The following NALF1 variants were observed in gnomAD, a reference collection of about 807,000 sequenced individuals.
NALF1 encodes NALCN channel auxiliary factor 1, also known as family with sequence similarity 155 member A.
In NALF1, 3 loss-of-function variants were observed where a neutral mutation model predicts 48.4. The ratio of observed to expected loss-of-function variants is 0.06; its 90% confidence interval spans 0.03 to 0.16. The LOEUF (loss-of-function observed/expected upper bound fraction) is 0.16, where lower values mean the gene tolerates loss of function less well. Among genes scored for constraint, NALF1 ranks in the 10% least tolerant of loss-of-function variants. The probability of loss-of-function intolerance (pLI) is 1.00; values close to 1 mark genes in which losing one functional copy is unlikely to be tolerated. For missense variants in NALF1, 526 were observed against 571.5 expected (o/e 0.92, Z 0.81); for synonymous variants, 262 against 245.7 (o/e 1.07, Z -0.62).
intron 1 of NALF1, among the ~76,000 whole-genome samples, chr13:107,726,723 C>T (rs532790537): frequency 7.9e-5 from 12 of 151,842 alleles, no homozygotes; most frequent in Non-Finnish European, 1.5e-4. Flanking sequence ...GATTCTCCTA[C>T]CTCAGCCCAT....
chr13:107,672,078 G>A (rs150935717), intron 1 of NALF1, among the ~76,000 whole-genome samples: 461 of 152,220 alleles, frequency 3.0e-3, no homozygotes, highest in Middle Eastern at 0.01. Flanking sequence ...TTCGGAGAAC[G>A]TGAGCTCTCT....
At position 107,204,032 on chromosome 13, in the gene NALF1, C is replaced by G. The variant is rs1879581168; in HGVS notation, c.1087+6552G>C. On this transcript the variant is annotated intron_variant, in intron 2 of 2. Transcript: ENST00000375915. ...GGGGCGCCCACAAGCTCTCCCTGCT[C>G]TCCAGGTGAGCTGGAGGCAGAGAGG... 3.0e-5 allele frequency among the ~76,000 whole-genome samples: 3 copies of G among 100,864 alleles called. No homozygotes were observed. In the South Asian group the frequency reaches 8.4e-4, roughly 28 times the overall value. The allele number at this position is 100,864 out of a possible 152,430, so 66.2% of individuals were successfully genotyped here. A position where few individuals can be genotyped will look rare whatever the true frequency, so the allele number is the denominator to read the frequency against.
intron 1 of NALF1, among the ~76,000 whole-genome samples, chr13:107,862,724 T>C (rs969859407): frequency 6.6e-6 from 1 of 151,956 alleles, no homozygotes; most frequent in Non-Finnish European, 1.5e-5. Context: ...ATAATTTTAT[T>C]AGGTCTATTC....
intron 1 of NALF1, among the ~76,000 whole-genome samples, chr13:107,259,497 G>C (rs1880887670): frequency 1.3e-5 from 2 of 152,206 alleles, no homozygotes; most frequent in South Asian, 4.1e-4. Flanking sequence ...AGGACATTGA[G>C]AGGCATGAGG....
intron 1 of NALF1, among the ~76,000 whole-genome samples, chr13:107,416,659 T>C (rs1223577859): frequency 6.6e-6 from 1 of 152,220 alleles, no homozygotes; most frequent in Non-Finnish European, 1.5e-5. Flanking sequence ...GTACAGCTTT[T>C]GGTCAACAGT....
chr13:107,431,408 C>A (rs896376008), intron 1 of NALF1, among the ~76,000 whole-genome samples: 1 of 152,174 alleles, frequency 6.6e-6, no homozygotes, highest in African/African-American at 2.4e-5. Flanking sequence ...CATGCGTGCA[C>A]ACACAAACAC....
intron 1 of NALF1, among the ~76,000 whole-genome samples, chr13:107,750,209 TAG>T (rs1440975076): frequency 2.6e-5 from 4 of 152,190 alleles, no homozygotes; most frequent in Non-Finnish European, 4.4e-5. Flanking sequence ...CGTGCGGACC[TAG>T]AGACTCAGTG....
At chr13:107,784,836 G>C (rs925735878) in intron 1 of NALF1, among the ~76,000 whole-genome samples, 1 of 152,174 alleles carries the variant, frequency 6.6e-6, no homozygotes, top group Non-Finnish European at 1.5e-5. Context: ...ATGGAAAACT[G>C]TGTGGAGATT....
At chr13:107,182,457 A>AG (rs1337695669) in intron 2 of NALF1, among the ~76,000 whole-genome samples, 1 of 151,994 alleles carries the variant, frequency 6.6e-6, no homozygotes, top group South Asian at 2.1e-4. Context: ...TATTTTTTGT[A>AG]GAAGTGGGGT....
chr13:107,179,439 T>C lies in NALF1; in HGVS notation c.1088-8653A>G, dbSNP rs181573536. On this transcript the variant is annotated intron_variant, in intron 2 of 2. Transcript: ENST00000375915. The stretch of plus-strand genomic sequence containing the variant: ...ATATAGTTAGATAGAATGAGTATGA[T>C]CTAGTATTTGTTAATACAACAGGGT... Among the ~76,000 whole-genome samples, 221 of 152,126 alleles carry C rather than the reference T, an allele frequency of 1.5e-3. 1 individual carries two copies. Among genetic ancestry groups the C allele is most frequent in the Non-Finnish European group, 2.1e-3 (144 of 68,000 alleles).
chr13:107,165,390 G>T lies in NALF1; in HGVS notation c.*5107C>A, dbSNP rs187762519. On this transcript the variant is annotated 3_prime_UTR_variant, in exon 3 of 3. Transcript: ENST00000375915. ...TCCCACTGTGCCTCGGAGCCAGCTT[G>T]TGTAATTTGTAATCAGAAGATGCTT... 6.6e-6 allele frequency: 1 copy of T among 152,148 alleles called. No individual in the cohort carries two copies. The highest frequency in any genetic ancestry group is 6.5e-5 in the Admixed American group (1 of 15,278). The allele number at this position is 152,148 out of a possible 1,614,324, so 9.4% of individuals were successfully genotyped here.
At chr13:107,612,607 G>T (rs185160052) in intron 1 of NALF1, among the ~76,000 whole-genome samples, 1 of 152,248 alleles carries the variant, frequency 6.6e-6, no homozygotes, top group East Asian at 1.9e-4. Context: ...CAGAAAGGCA[G>T]AGTCAGAGAG....
At chr13:107,433,904 T>A (rs1005393919) in intron 1 of NALF1, among the ~76,000 whole-genome samples, 1 of 152,180 alleles carries the variant, frequency 6.6e-6, no homozygotes, top group African/African-American at 2.4e-5. Flanking sequence ...TAGGAGCTGG[T>A]AGATTGCTGT....
At chr13:107,496,010 T>G (rs933376168) in intron 1 of NALF1, among the ~76,000 whole-genome samples, 1 of 152,138 alleles carries the variant, frequency 6.6e-6, no homozygotes, top group African/African-American at 2.4e-5. Context: ...ATTACATATA[T>G]TTTTGAAACA....
chr13:107,772,779 T>A (rs758628339), intron 1 of NALF1, among the ~76,000 whole-genome samples: 1 of 152,168 alleles, frequency 6.6e-6, no homozygotes, highest in Non-Finnish European at 1.5e-5. Flanking sequence ...CTGAGAAGCT[T>A]AGGTTCCTAT....
In NALF1 at chr13:107,867,304, T is replaced by TGCCGCCGCCGCC. The variant is rs71121563; in HGVS notation, c.-720_-709dup. ...ACCCCCCACCCCGCGCTCTAAGTGC[T>TGCCGCCGCCGCC]GCCGCCGCCGCCGCCGCCGCCGCCG... On this transcript the variant is annotated 5_prime_UTR_variant, in exon 1 of 3. Coordinates refer to ENST00000375915, the MANE Select transcript of NALF1 (RefSeq NM_001080396.3). This position sits in a 1 kb window ranked among gnomAD's most constrained non-coding sequence, Gnocchi z 4.4. Among the ~76,000 whole-genome samples the TGCCGCCGCCGCC allele has an allele frequency of 7.5e-4, 78 of 103,534 alleles. No homozygotes were observed. The highest frequency in any genetic ancestry group is 2.7e-3 in the African/African-American group (71 of 26,082). 67.9% of individuals were successfully genotyped at this position (103,534 alleles called of 152,430 possible). A position where few individuals can be genotyped will look rare whatever the true frequency, so the allele number is the denominator to read the frequency against.
chr13:107,377,053 T>C (rs547228448), intron 1 of NALF1, among the ~76,000 whole-genome samples: 1 of 152,274 alleles, frequency 6.6e-6, no homozygotes, highest in East Asian at 1.9e-4. Flanking sequence ...CCTCCTATTG[T>C]GTAGAGTAGA....
intron 1 of NALF1, among the ~76,000 whole-genome samples, chr13:107,841,560 G>T (rs1370822741): frequency 6.6e-6 from 1 of 151,692 alleles, no homozygotes; most frequent in African/African-American, 2.4e-5. Flanking sequence ...GTAGGTCTAG[G>T]TTCTTCCCAG....
At chr13:107,503,869 A>C (rs972655966) in intron 1 of NALF1, among the ~76,000 whole-genome samples, 3 of 151,636 alleles carry the variant, frequency 2.0e-5, no homozygotes, top group Admixed American at 6.6e-5. Flanking sequence ...CATTTTGCTA[A>C]GTGAAAAAAG....
Sources: allele counts gnomAD v4.1 joint callset (sites outside exome capture counted in the v4.1 genomes callset), GRCh38; gene constraint gnomAD v4.1.1; non-coding constraint Gnocchi (gnomAD v3.1); transcripts MANE v1.5; gene names NCBI Gene and HGNC (gene_info 2026-07-23, HGNC 2026-07-21).